The following XPR1 variants were observed in gnomAD, a reference collection of about 807,000 sequenced individuals.
The protein encoded by XPR1 is xenotropic and polytropic retrovirus receptor 1.
A neutral mutation model predicts 87.5 loss-of-function variants in XPR1; 28 were observed. The observed-to-expected ratio is 0.32, with a 90% confidence interval of 0.24 to 0.44. The LOEUF (loss-of-function observed/expected upper bound fraction) is 0.44. Ranked by LOEUF, XPR1 falls within the 20% of genes least tolerant of loss-of-function variation. The probability of loss-of-function intolerance (pLI) is 1.00; values close to 1 mark genes in which losing one functional copy is unlikely to be tolerated. For synonymous variants in XPR1, 300 were observed against 306.1 expected, an observed-to-expected ratio of 0.98 and a Z score of 0.21; for missense variants, 559 against 862.3, an observed-to-expected ratio of 0.65 and a Z score of 4.41.
intron 11 of XPR1, among the ~76,000 whole-genome samples, chr1:180,860,571 A>G (rs998751904): frequency 7.9e-5 from 12 of 152,182 alleles, no homozygotes; most frequent in Non-Finnish European, 1.8e-4. Context: ...AATCTTTAAT[A>G]TATTATGTTA....
At chr1:180,778,144 C>T (rs1008150318) in intron 2 of XPR1, among the ~76,000 whole-genome samples, 1 of 152,048 alleles carries the variant, frequency 6.6e-6, no homozygotes, top group Non-Finnish European at 1.5e-5. Context: ...CCACACCCAG[C>T]TAATTTTTAA....
chr1:180,632,354 G>T (rs951442600), intron 1 of XPR1, 84 bp downstream of exon 1: 3 of 1,511,700 alleles, frequency 2.0e-6, no homozygotes, highest in African/African-American at 2.8e-5. Context: ...TTCCGCTTCA[G>T]CTGGCTCCCT....
intron 13 of XPR1, among the ~76,000 whole-genome samples, chr1:180,874,831 A>G (rs1652610319): frequency 6.6e-6 from 1 of 152,228 alleles, no homozygotes; most frequent in Non-Finnish European, 1.5e-5. Context: ...TAGACTTTGA[A>G]ATTCACTTGT....
chr1:180,696,208 G>GTGTGTGTGTGTGTGTA (rs1241189679), intron 2 of XPR1, among the ~76,000 whole-genome samples: 2 of 88,566 alleles, frequency 2.3e-5, no homozygotes, highest in African/African-American at 7.5e-5. Context: ...GTGTGTGTGT[G>GTGTGTGTGTGTGTGTA]TATATATATA....
chr1:180,830,221 C>G (rs1247485400), intron 9 of XPR1, among the ~76,000 whole-genome samples: 1 of 152,186 alleles, frequency 6.6e-6, no homozygotes, highest in Non-Finnish European at 1.5e-5. Context: ...TACAGTCCCC[C>G]TCTTCCTCAC....
At chr1:180,712,119 T>C (rs978361489) in intron 2 of XPR1, among the ~76,000 whole-genome samples, 5 of 152,220 alleles carry the variant, frequency 3.3e-5, no homozygotes, top group African/African-American at 7.2e-5. Context: ...TAAAGTTTAA[T>C]TTCTAAATTA....
chr1:180,824,987 T>C, intron 8 of XPR1, 44 bp downstream of exon 8: 1 of 1,572,750 alleles, frequency 6.4e-7, no homozygotes, highest in Non-Finnish European at 8.6e-7. Context: ...TAGTTTGCAT[T>C]AGCTATATAG....
intron 1 of XPR1, among the ~76,000 whole-genome samples, chr1:180,669,882 T>C (rs1159087434): frequency 6.6e-6 from 1 of 152,172 alleles, no homozygotes; most frequent in Non-Finnish European, 1.5e-5. Flanking sequence ...ATAAAAGTTA[T>C]GTGAATGTGG....
intron 2 of XPR1, among the ~76,000 whole-genome samples, chr1:180,753,112 T>C (rs1018122959): frequency 1.3e-5 from 2 of 152,230 alleles, no homozygotes; most frequent in African/African-American, 2.4e-5. Context: ...TGGCAATCAC[T>C]TTGAGCCAAC....
intron 11 of XPR1, among the ~76,000 whole-genome samples, chr1:180,849,427 A>G (rs905228084): frequency 3.9e-5 from 6 of 152,100 alleles, no homozygotes; most frequent in African/African-American, 9.7e-5. Flanking sequence ...ATTACTTTGG[A>G]TGCTTGCTTT....
intron 1 of XPR1, among the ~76,000 whole-genome samples, chr1:180,672,813 G>C (rs1656229216): frequency 6.6e-6 from 1 of 151,858 alleles, no homozygotes; most frequent in Non-Finnish European, 1.5e-5. Flanking sequence ...TATTTTTCAA[G>C]GTTTCCATTT....
intron 1 of XPR1, among the ~76,000 whole-genome samples, chr1:180,634,529 C>T (rs894534450): frequency 2.0e-5 from 3 of 152,202 alleles, no homozygotes; most frequent in East Asian, 1.9e-4. Context: ...GGAAAAAGGA[C>T]ATCCATAAAA....
rs568851438 is a variant in XPR1, at chr1:180,684,420, G to C, written c.121+2009G>C. Among the ~76,000 whole-genome samples the C allele has an allele frequency of 1.2e-4, 19 of 152,250 alleles. No individual in the cohort carries two copies. The East Asian group carries it at 3.1e-3, about 25-fold the overall frequency. On this transcript the variant is annotated intron_variant, in intron 2 of 14. Coordinates refer to ENST00000367590, the MANE Select transcript of XPR1 (RefSeq NM_004736.4). ...GTAGTATAGTTTGAAGTCAGGTAGCGTGATGCCTCCGGCTTTCTTCTTTTG... is the reference window on the plus strand; with the variant it reads ...GTAGTATAGTTTGAAGTCAGGTAGCCTGATGCCTCCGGCTTTCTTCTTTTG...
At chr1:180,810,505 G>A (rs1330055016) in intron 6 of XPR1, among the ~76,000 whole-genome samples, 2 of 151,974 alleles carry the variant, frequency 1.3e-5, no homozygotes, top group African/African-American at 2.4e-5. Context: ...CTTGAGTCTG[G>A]GAAGTTGAGG....
At chr1:180,835,152 A>G in intron 10 of XPR1, 107 bp downstream of exon 10, 1 of 1,218,718 alleles carries the variant, frequency 8.2e-7, no homozygotes, top group Non-Finnish European at 1.1e-6. Flanking sequence ...TTACCCAATA[A>G]TATTATAAAC....
chr1:180,684,514 A>G lies in XPR1; in HGVS notation c.121+2103A>G, dbSNP rs967644201. Among the ~76,000 whole-genome samples, 10 of 152,132 alleles carry G rather than the reference A, an allele frequency of 6.6e-5. No homozygotes were observed. The South Asian group carries it at 8.3e-4, about 13-fold the overall frequency. On this transcript the variant is annotated intron_variant, in intron 2 of 14. Coordinates refer to ENST00000367590, the MANE Select transcript of XPR1 (RefSeq NM_004736.4). ...ATGAACTTTAAAGTAGTTTTTTCCA[A>G]TTCTGTGAAGAAAGGCATTGGTAGC...
At chr1:180,795,902 G>A (rs969461813) in intron 3 of XPR1, among the ~76,000 whole-genome samples, 1 of 152,128 alleles carries the variant, frequency 6.6e-6, no homozygotes, top group Non-Finnish European at 1.5e-5. Context: ...CTGCCTCCCA[G>A]GTTCAAGCAA....
At chr1:180,838,621 T>A (rs1331625278) in intron 11 of XPR1, among the ~76,000 whole-genome samples, 1 of 152,232 alleles carries the variant, frequency 6.6e-6, no homozygotes, top group Non-Finnish European at 1.5e-5. Flanking sequence ...CGGACATTTT[T>A]AAGTTTACAA....
At chr1:180,703,491 A>G (rs1444016303) in intron 2 of XPR1, among the ~76,000 whole-genome samples, 2 of 152,130 alleles carry the variant, frequency 1.3e-5, no homozygotes, top group Non-Finnish European at 2.9e-5. Flanking sequence ...TTAGCAGGGC[A>G]GACCTCTTCT....
Sources: allele counts gnomAD v4.1 joint callset (sites outside exome capture counted in the v4.1 genomes callset), GRCh38; gene constraint gnomAD v4.1.1; transcripts MANE v1.5; gene names NCBI Gene and HGNC (gene_info 2026-07-23, HGNC 2026-07-21).